SPIDR: variants seen among roughly 807,000 people sequenced by gnomAD.
The protein encoded by SPIDR is DNA repair-scaffolding protein.
In SPIDR, 93 loss-of-function variants were observed where a neutral mutation model predicts 104.6. That is an observed-to-expected ratio of 0.89 (90% CI 0.75 to 1.06). SPIDR has a LOEUF of 1.06. Ranked by LOEUF, SPIDR falls within the 50% of genes least tolerant of loss-of-function variation. The pLI is 0.00. For synonymous variants in SPIDR, 431 were observed against 416.9 expected (o/e 1.03, Z -0.41); for missense variants, 1,154 against 1,111.2 (o/e 1.04, Z -0.55).
chr8:47,309,216 T>C (rs1247301000), intron 5 of SPIDR, among the ~76,000 whole-genome samples: 2 of 152,218 alleles, frequency 1.3e-5, no homozygotes, highest in Non-Finnish European at 2.9e-5. Context: ...TAGTCAAGCT[T>C]TTTGTATGAT....
chr8:47,566,756 G>A (rs764647039), intron 8 of SPIDR, among the ~76,000 whole-genome samples: 1 of 152,020 alleles, frequency 6.6e-6, no homozygotes, highest in African/African-American at 2.4e-5. Flanking sequence ...ATTAGGCACC[G>A]AGAAGTACAC....
At chr8:47,642,867 G>A (rs969457603) in intron 10 of SPIDR, among the ~76,000 whole-genome samples, 5 of 152,176 alleles carry the variant, frequency 3.3e-5, no homozygotes, top group African/African-American at 1.2e-4. Flanking sequence ...CATGATGGCA[G>A]CAGAGTGAGA....
At chr8:47,481,416 C>A (rs948710359) in intron 8 of SPIDR, among the ~76,000 whole-genome samples, 3 of 152,092 alleles carry the variant, frequency 2.0e-5, no homozygotes, top group Non-Finnish European at 4.4e-5. Context: ...GTGGGCAGAT[C>A]ACTTGAGGCC....
intron 8 of SPIDR, among the ~76,000 whole-genome samples, chr8:47,490,313 A>T (rs1241851358): frequency 1.3e-5 from 2 of 152,230 alleles, no homozygotes; most frequent in African/African-American, 4.8e-5. Flanking sequence ...ATGTCACACC[A>T]GTTAGAATGG....
At chr8:47,446,261 G>A (rs1381471439) in intron 8 of SPIDR, among the ~76,000 whole-genome samples, 2 of 152,148 alleles carry the variant, frequency 1.3e-5, no homozygotes, top group African/African-American at 4.8e-5. Flanking sequence ...AAATTCTAGG[G>A]TCTTTAAGAA....
At position 47,735,447 on chromosome 8, in the gene SPIDR, C is replaced by G; in HGVS notation, c.2745C>G (p.His915Gln). Reference sequence around the variant, plus strand: ...GTGCAGGAGGGGCCTCTGCAGAACACTAGCGGTTGCCGCAGGATCTGTGAA... The same window carrying G: ...GTGCAGGAGGGGCCTCTGCAGAACAGTAGCGGTTGCCGCAGGATCTGTGAA... ...LLSAGGASAE[H>Q] The change falls in exon 20 of 20, where the codon CAC (histidine) becomes CAG (glutamine). Residue 915 changes from histidine to glutamine, a missense_variant. Transcript: ENST00000297423. 1 of 1,614,200 alleles carries G rather than the reference C, an allele frequency of 6.2e-7. No homozygotes were observed. The highest frequency in any genetic ancestry group is 8.5e-7 in the Non-Finnish European group (1 of 1,180,040).
chr8:47,474,084 C>A (rs2076026363), intron 8 of SPIDR, among the ~76,000 whole-genome samples: 1 of 152,134 alleles, frequency 6.6e-6, no homozygotes, highest in African/African-American at 2.4e-5. Context: ...AGTTCTCTTT[C>A]CAACCTGTGT....
Position 47,532,813 on chromosome 8 carries a change from A to T in SPIDR, c.1098-62998A>T, listed in dbSNP as rs1248063071. Among the ~76,000 whole-genome samples, 4 of 152,256 alleles carry T rather than the reference A, an allele frequency of 2.6e-5. No individual in the cohort carries two copies. The South Asian group carries it at 8.3e-4, about 31-fold the overall frequency. ...TTACATTTATAGAATACTTCATTCA[A>T]CAGCAGCAGAATATACATTCTTCTC... On this transcript the variant is annotated intron_variant, in intron 8 of 19. Transcript: ENST00000297423.
chr8:47,673,573 A>G, intron 10 of SPIDR: 1 of 591,354 alleles, frequency 1.7e-6, no homozygotes, highest in Admixed American at 2.6e-5. Context: ...ACATACAGAA[A>G]GGATATCTTG....
chr8:47,540,626 A>G (rs947479630), intron 8 of SPIDR, among the ~76,000 whole-genome samples: 3 of 152,154 alleles, frequency 2.0e-5, no homozygotes, highest in African/African-American at 7.2e-5. Context: ...CATGCTTCTA[A>G]TCTGAATGAT....
intron 10 of SPIDR, among the ~76,000 whole-genome samples, chr8:47,633,969 C>T: frequency 6.6e-6 from 1 of 151,662 alleles, no homozygotes. Context: ...TGGTGCATGC[C>T]AATAGTCCCA....
intron 2 of SPIDR, 123 bp downstream of exon 2, chr8:47,280,140 C>A: frequency 1.1e-6 from 1 of 883,900 alleles, no homozygotes; most frequent in Non-Finnish European, 1.6e-6. Context: ...GTAACTGGTA[C>A]ACTCCTTTTC....
intron 10 of SPIDR, among the ~76,000 whole-genome samples, chr8:47,608,548 T>A (rs1312450228): frequency 1.3e-5 from 2 of 152,354 alleles, no homozygotes; most frequent in African/African-American, 4.8e-5. Context: ...TACACGATTT[T>A]ACATTCCCAT....
At chr8:47,383,036 G>A (rs2059502283) in intron 5 of SPIDR, among the ~76,000 whole-genome samples, 1 of 152,164 alleles carries the variant, frequency 6.6e-6, no homozygotes, top group Non-Finnish European at 1.5e-5. Context: ...CTGTGGTGAG[G>A]CAAAGCTGTA....
At chr8:47,700,381 C>A in intron 11 of SPIDR, 22 bp from the exon 12 acceptor site, 2 of 1,613,570 alleles carry the variant, frequency 1.2e-6, no homozygotes, top group Non-Finnish European at 1.7e-6. Flanking sequence ...ATGATGAATA[C>A]CTTTGACTTT....
At chr8:47,652,053 T>TA (rs1206378824) in intron 10 of SPIDR, among the ~76,000 whole-genome samples, 2 of 152,116 alleles carry the variant, frequency 1.3e-5, no homozygotes, top group Non-Finnish European at 2.9e-5. Context: ...ATCTCAGACT[T>TA]CAACACTATA....
intron 11 of SPIDR, among the ~76,000 whole-genome samples, chr8:47,682,146 A>G (rs188996273): frequency 1.3e-5 from 2 of 152,056 alleles, no homozygotes; most frequent in Admixed American, 6.6e-5. Context: ...CATCTTTAAG[A>G]GAAGACATGA....
chr8:47,621,508 CCT>C (rs770067309), intron 10 of SPIDR, among the ~76,000 whole-genome samples: 3 of 152,172 alleles, frequency 2.0e-5, no homozygotes, highest in Non-Finnish European at 4.4e-5. Context: ...ATTGTGCGCG[CCT>C]CTCTCTTGAT....
At chr8:47,423,492 T>C (rs1248458424) in intron 7 of SPIDR, among the ~76,000 whole-genome samples, 1 of 151,568 alleles carries the variant, frequency 6.6e-6, no homozygotes, top group Non-Finnish European at 1.5e-5. Flanking sequence ...ATCCCAGCTA[T>C]TCTGGAAGCT....
Sources: allele counts gnomAD v4.1 joint callset (sites outside exome capture counted in the v4.1 genomes callset), GRCh38; gene constraint gnomAD v4.1.1; transcripts MANE v1.5; gene names NCBI Gene and HGNC (gene_info 2026-07-23, HGNC 2026-07-21).